Variants in SMIM35 observed in about 807,000 individuals in gnomAD.
The protein encoded by SMIM35 is TMPRSS4 antisense RNA 1 (non-protein coding).
chr11:118,070,372 T>C (rs1944552683), intron 1 of SMIM35, among the ~76,000 whole-genome samples: 1 of 152,194 alleles, frequency 6.6e-6, no homozygotes. Context: ...AGACGGGGTT[T>C]CACCCTGTTG....
At chr11:118,045,638 AC>A (rs746693913) in intron 1 of SMIM35, among the ~76,000 whole-genome samples, 1 of 152,322 alleles carries the variant, frequency 6.6e-6, no homozygotes, top group Non-Finnish European at 1.5e-5. Context: ...GCTGAAGAAA[AC>A]AAACCAATCA....
chr11:118,023,302 G>C (rs1236307842), intron 1 of SMIM35, among the ~76,000 whole-genome samples: 1 of 152,040 alleles, frequency 6.6e-6, no homozygotes, highest in Non-Finnish European at 1.5e-5. Context: ...AAAAGAGGGA[G>C]AGGGAGAAAG....
intron 4 of SMIM35, among the ~76,000 whole-genome samples, chr11:118,009,442 C>T (rs1231343724): frequency 2.0e-5 from 3 of 152,148 alleles, no homozygotes; most frequent in Non-Finnish European, 2.9e-5. Context: ...AAGCCTCTGC[C>T]CTGCACTGAT....
At chr11:118,024,878 G>A (rs1434965396) in intron 1 of SMIM35, among the ~76,000 whole-genome samples, 1 of 152,170 alleles carries the variant, frequency 6.6e-6, no homozygotes, top group Non-Finnish European at 1.5e-5. Context: ...CCCGGGTAGT[G>A]AGCATTACTA....
chr11:118,078,183 G>A (rs1049879119), intron 1 of SMIM35, among the ~76,000 whole-genome samples: 1 of 152,002 alleles, frequency 6.6e-6, no homozygotes, highest in Non-Finnish European at 1.5e-5. Context: ...CGCTGTCTTG[G>A]GGCAAAGAGA....
intron 1 of SMIM35, among the ~76,000 whole-genome samples, chr11:118,070,296 G>T (rs1169391345): frequency 6.6e-6 from 1 of 151,984 alleles, no homozygotes; most frequent in Admixed American, 6.6e-5. Flanking sequence ...CCTGCCTCGG[G>T]CTCCCCAGTA....
At chr11:118,040,044 CA>C (rs35273108) in intron 1 of SMIM35, among the ~76,000 whole-genome samples, 41,909 of 101,936 alleles carry the variant, frequency 0.41, 7,312 homozygotes, top group Non-Finnish European at 0.46. Flanking sequence ...GACCTTATCT[CA>C]AAAAAAAAAA....
intron 1 of SMIM35, among the ~76,000 whole-genome samples, chr11:118,050,304 C>T (rs1044939307): frequency 6.6e-6 from 1 of 152,224 alleles, no homozygotes; most frequent in Non-Finnish European, 1.5e-5. Flanking sequence ...CACAGGTTGC[C>T]CCACAGGCCT....
chr11:118,075,314 G>A (rs1944647333), intron 1 of SMIM35, among the ~76,000 whole-genome samples: 1 of 152,244 alleles, frequency 6.6e-6, no homozygotes, highest in Admixed American at 6.5e-5. Context: ...CCAGAGCCCT[G>A]CAGGCCAGCT....
At chr11:118,010,800 C>T (rs1272747104) in intron 4 of SMIM35, among the ~76,000 whole-genome samples, 2 of 152,146 alleles carry the variant, frequency 1.3e-5, no homozygotes, top group African/African-American at 4.8e-5. Flanking sequence ...GCCCTTGGAC[C>T]CCCAGCCCCC....
In SMIM35 at chr11:118,005,536, A is replaced by T. The variant is rs962516377; in HGVS notation, c.*874T>A. ...TATAGTGTCTACAACAGAGCTCATGATTCCCCTGACACTCCTTCCTCCCCT... is the reference window on the plus strand; with the variant it reads ...TATAGTGTCTACAACAGAGCTCATGTTTCCCCTGACACTCCTTCCTCCCCT... On this transcript the variant is annotated 3_prime_UTR_variant, in exon 5 of 5. Coordinates refer to ENST00000689828, the MANE Select transcript of SMIM35 (RefSeq NM_001394165.1). 3.3e-5 allele frequency: 5 copies of T among 152,126 alleles called. No individual in the cohort carries two copies. Among genetic ancestry groups the T allele is most frequent in the African/African-American group, 1.2e-4 (5 of 41,404 alleles). 9.4% of individuals were successfully genotyped at this position (152,126 alleles called of 1,614,324 possible).
chr11:118,032,905 C>G (rs148967390), intron 1 of SMIM35, among the ~76,000 whole-genome samples: 2,555 of 152,228 alleles, frequency 0.017, 114 homozygotes, highest in East Asian at 0.11. Context: ...GAGACTCTGT[C>G]TCAAAACAAA....
chr11:118,016,106 C>T (rs955863150), intron 1 of SMIM35, among the ~76,000 whole-genome samples: 3 of 152,156 alleles, frequency 2.0e-5, no homozygotes, highest in African/African-American at 7.2e-5. Flanking sequence ...GGAAAAAGCT[C>T]TACCTGTGTC....
intron 1 of SMIM35, among the ~76,000 whole-genome samples, chr11:118,050,481 C>T (rs948694254): frequency 7.2e-5 from 11 of 152,234 alleles, no homozygotes; most frequent in Non-Finnish European, 1.5e-4. Context: ...GCTGCCCCTG[C>T]CATCTGGAGA....
At chr11:118,021,178 GC>G (rs1420565330) in intron 1 of SMIM35, among the ~76,000 whole-genome samples, 1 of 151,956 alleles carries the variant, frequency 6.6e-6, no homozygotes, top group East Asian at 1.9e-4. Flanking sequence ...TCAAAGTAAA[GC>G]TTTTAGAAGC....
intron 1 of SMIM35, among the ~76,000 whole-genome samples, chr11:118,040,820 A>C (rs753512047): frequency 7.9e-5 from 12 of 152,152 alleles, no homozygotes; most frequent in Admixed American, 5.2e-4. Context: ...AATAGCACTA[A>C]GGGGTGGATG....
At chr11:118,008,704 G>A (rs1270177329) in intron 4 of SMIM35, among the ~76,000 whole-genome samples, 3 of 152,260 alleles carry the variant, frequency 2.0e-5, no homozygotes, top group Admixed American at 2.0e-4. Context: ...CAGGGATGAA[G>A]CAATGCCCAA....
chr11:118,040,131 G>A (rs182440124), intron 1 of SMIM35, among the ~76,000 whole-genome samples: 177 of 151,160 alleles, frequency 1.2e-3, no homozygotes, highest in Middle Eastern at 6.8e-3. Context: ...CACGAGAATC[G>A]CTTAAACCCA....
Position 118,035,696 on chromosome 11 carries a change from T to G in SMIM35, c.8-19887A>C, listed in dbSNP as rs543999716. Among the ~76,000 whole-genome samples the G allele has an allele frequency of 2.0e-5, 3 of 152,216 alleles. No homozygotes were observed. In the East Asian group the frequency reaches 5.8e-4, roughly 30 times the overall value. On this transcript the variant is annotated intron_variant, in intron 1 of 4. Transcript: ENST00000689828. The stretch of plus-strand genomic sequence containing the variant: ...GATTCCCTCCTGGAGACTCACACAG[T>G]GCTCCCTGCTCACGTGTTGTCACAG...
Sources: allele counts gnomAD v4.1 joint callset (sites outside exome capture counted in the v4.1 genomes callset), GRCh38; gene constraint gnomAD v4.1.1; transcripts MANE v1.5; gene names NCBI Gene and HGNC (gene_info 2026-07-23, HGNC 2026-07-21).